The following PRIM2 variants were observed in gnomAD, a reference collection of about 807,000 sequenced individuals.
The protein encoded by PRIM2 is DNA primase large subunit.
Under a neutral mutation model 67.3 loss-of-function variants are expected in PRIM2, and 39 were observed. The ratio of observed to expected loss-of-function variants is 0.58; its 90% CI spans 0.45 to 0.76. The LOEUF (loss-of-function observed/expected upper bound fraction) is 0.76. PRIM2 is among the 30% of genes least tolerant of loss of function. The pLI is 0.00. For missense variants in PRIM2, 398 were observed against 598.7 expected (o/e 0.66, Z 3.50); for synonymous variants, 143 against 198.7 (o/e 0.72, Z 2.36).
intron 5 of PRIM2, among the ~76,000 whole-genome samples, chr6:57,364,390 G>A (rs1769287208): frequency 6.6e-6 from 1 of 152,092 alleles, no homozygotes; most frequent in African/African-American, 2.4e-5. Context: ...GTTTCTGAGA[G>A]TATTACTTTA....
At chr6:57,404,880 AC>A (rs1361832562) in intron 7 of PRIM2, among the ~76,000 whole-genome samples, 1 of 143,988 alleles carries the variant, frequency 6.9e-6, no homozygotes, top group African/African-American at 2.6e-5. Flanking sequence ...AAAAGATCAG[AC>A]CCCCTATACT....
intron 10 of PRIM2, among the ~76,000 whole-genome samples, chr6:57,547,166 A>G (rs1279166702): frequency 6.6e-6 from 1 of 152,210 alleles, no homozygotes; most frequent in Non-Finnish European, 1.5e-5. Flanking sequence ...AGTTGTAATT[A>G]TAATTTACAA....
Position 57,374,303 on chromosome 6 carries a change from A to ATTTATTTATTT in PRIM2, c.460-5595_460-5594insATTTATTTTTT, listed in dbSNP as rs1554331462. On this transcript the variant is annotated intron_variant, in intron 5 of 13. Coordinates refer to ENST00000615550, the MANE Select transcript of PRIM2 (RefSeq NM_000947.5). ...TATTTATTTATTTATTTATTTATTT[A>ATTTATTTATTT]TTTTTTTTGAGACGGAGTTTCGCTC... Among the ~76,000 whole-genome samples the ATTTATTTATTT allele has an allele frequency of 6.4e-4, 89 of 139,870 alleles. 1 individual carries two copies. The highest frequency in any genetic ancestry group is 2.3e-3 in the African/African-American group (86 of 37,844). 91.8% of individuals were successfully genotyped at this position (139,870 alleles called of 152,430 possible).
intron 12 of PRIM2, among the ~76,000 whole-genome samples, chr6:57,609,531 A>G: frequency 6.6e-6 from 1 of 152,340 alleles, no homozygotes; most frequent in South Asian, 2.1e-4. Flanking sequence ...TAATCTTAAT[A>G]TACTAACATT....
intron 13 of PRIM2, 75 bp from the exon 14 acceptor site, chr6:57,645,853 T>A (rs2127503346): frequency 1.3e-6 from 1 of 794,818 alleles, no homozygotes; most frequent in African/African-American, 1.7e-5. Context: ...AAACAAGTAC[T>A]AAAACAGCTT....
intron 10 of PRIM2, among the ~76,000 whole-genome samples, chr6:57,542,938 G>GTTTTTTTTTTTTTTTTT (rs1581980392): frequency 8.8e-5 from 5 of 56,864 alleles, no homozygotes; most frequent in Non-Finnish European, 1.3e-4. Flanking sequence ...CTGCTTATAG[G>GTTTTTTTTTTTTTTTTT]ATTTTTTTTT....
chr6:57,579,336 G>C (rs1377598114), intron 10 of PRIM2, among the ~76,000 whole-genome samples: 1 of 152,122 alleles, frequency 6.6e-6, no homozygotes, highest in Non-Finnish European at 1.5e-5. Flanking sequence ...TACAGGAACA[G>C]TCTGGCTTGT....
chr6:57,537,882 A>T (rs1473895724), intron 10 of PRIM2, among the ~76,000 whole-genome samples: 1 of 152,212 alleles, frequency 6.6e-6, no homozygotes, highest in Non-Finnish European at 1.5e-5. Context: ...TCAGAGTTAT[A>T]TATCTGTAGG....
chr6:57,337,309 A>G lies in PRIM2; in HGVS notation c.459+11264A>G, dbSNP rs141100536. Among the ~76,000 whole-genome samples the G allele has an allele frequency of 5.0e-3, 765 of 152,278 alleles. 6 individuals carry two copies. The highest frequency in any genetic ancestry group is 0.018 in the African/African-American group (737 of 41,528). ...AACATTAGACAGATCAACAAGACAG[A>G]AAGTCAACAATGATACCCAGGAATT... On this transcript the variant is annotated intron_variant, in intron 5 of 13. Coordinates refer to ENST00000615550, the MANE Select transcript of PRIM2 (RefSeq NM_000947.5).
intron 7 of PRIM2, among the ~76,000 whole-genome samples, chr6:57,464,758 C>T (rs1253525840): frequency 1.3e-5 from 2 of 152,182 alleles, no homozygotes; most frequent in African/African-American, 4.8e-5. Flanking sequence ...GTGTGCCAGG[C>T]ACTATTCTCC....
chr6:57,330,537 T>G (rs900900901), intron 5 of PRIM2, among the ~76,000 whole-genome samples: 10 of 151,990 alleles, frequency 6.6e-5, no homozygotes, highest in African/African-American at 2.4e-4. Flanking sequence ...ATTCTAACAG[T>G]TTTATAGTGG....
chr6:57,525,173 T>C (rs1774721416), intron 8 of PRIM2, among the ~76,000 whole-genome samples: 1 of 152,140 alleles, frequency 6.6e-6, no homozygotes, highest in African/African-American at 2.4e-5. Flanking sequence ...CCCCTCCGTC[T>C]GTTATGTGAT....
At chr6:57,550,155 G>C (rs1359198559) in intron 10 of PRIM2, among the ~76,000 whole-genome samples, 1 of 151,952 alleles carries the variant, frequency 6.6e-6, no homozygotes. Flanking sequence ...TTATTTTTGG[G>C]CAGCAATTTT....
At chr6:57,370,121 TCTCTA>T (rs1449666148) in intron 5 of PRIM2, among the ~76,000 whole-genome samples, 2 of 152,214 alleles carry the variant, frequency 1.3e-5, no homozygotes, top group Non-Finnish European at 2.9e-5. Context: ...AAAACTATTC[TCTCTA>T]CTACTTTACT....
At chr6:57,269,889 T>A in the PRIM2 span, among the ~76,000 whole-genome samples, 9,013 of 152,292 alleles carry the variant, frequency 0.059, 612 homozygotes, top group African/African-American at 0.16. Context: ...AAACAGGGAA[T>A]CCTTTCCCCA....
At chr6:57,604,033 G>A (rs1480963918) in intron 11 of PRIM2, among the ~76,000 whole-genome samples, 2 of 152,166 alleles carry the variant, frequency 1.3e-5, no homozygotes, top group Non-Finnish European at 2.9e-5. Context: ...AAGGCTGGTT[G>A]TGGTGGATCA....
chr6:57,349,039 C>T (rs1205109086), intron 5 of PRIM2, among the ~76,000 whole-genome samples: 3 of 152,236 alleles, frequency 2.0e-5, no homozygotes, highest in Admixed American at 6.5e-5. Context: ...GACACCATGC[C>T]TGGCCTCCTT....
At chr6:57,276,502 A>G in the PRIM2 span, among the ~76,000 whole-genome samples, 3 of 152,152 alleles carry the variant, frequency 2.0e-5, no homozygotes, top group Non-Finnish European at 4.4e-5. Context: ...CATATATAAT[A>G]GTAAAAAAGA....
chr6:57,450,557 G>C (rs1654901068), intron 7 of PRIM2, among the ~76,000 whole-genome samples: 1 of 152,206 alleles, frequency 6.6e-6, no homozygotes, highest in East Asian at 1.9e-4. Flanking sequence ...GTATGCTCTT[G>C]AGCTTCTCAG....
Sources: gnomAD v4.1 joint callset for allele counts (sites outside exome capture counted in the v4.1 genomes callset) on GRCh38, gnomAD v4.1.1 for gene constraint, MANE v1.5 for transcripts, NCBI Gene and HGNC (gene_info 2026-07-23, HGNC 2026-07-21) for gene names.